The following CYP2C18 variants were observed in gnomAD, a reference collection of about 807,000 sequenced individuals.
CYP2C18 encodes the protein cytochrome P450 2C18.
Under a neutral mutation model 41.3 loss-of-function variants are expected in CYP2C18, and 38 were observed. The ratio of observed to expected loss-of-function variants is 0.92; its 90% CI spans 0.71 to 1.21. The LOEUF is 1.21. Ranked by LOEUF, CYP2C18 falls within the 50% of genes most tolerant of loss-of-function variation. The pLI is 0.00. For synonymous variants in CYP2C18, 236 were observed against 210.0 expected, an observed-to-expected ratio of 1.12 and a Z score of -1.07; for missense variants, 635 against 591.4, an observed-to-expected ratio of 1.07 and a Z score of -0.77.
At chr10:94,703,730 C>G (rs1322931647) in intron 4 of CYP2C18, among the ~76,000 whole-genome samples, 5 of 152,148 alleles carry the variant, frequency 3.3e-5, no homozygotes, top group Non-Finnish European at 1.5e-5. Context: ...AGCCCCCTTT[C>G]CAGGGGAGTG....
At chr10:94,701,629 TAAAAAAA>T (rs1847247588) in intron 4 of CYP2C18, among the ~76,000 whole-genome samples, 1 of 151,852 alleles carries the variant, frequency 6.6e-6, no homozygotes, top group Admixed American at 6.6e-5. Context: ...AAAAAATAAT[TAAAAAAA>T]GAAATTCCTC....
chr10:94,735,349 T>A lies in CYP2C18; in HGVS notation c.1378T>A (p.Ser460Thr). The A allele has an allele frequency of 6.2e-7, 1 of 1,613,724 alleles. No individual in the cohort carries two copies. The highest frequency in any genetic ancestry group is 8.5e-7 in the Non-Finnish European group (1 of 1,179,756). Residue 460 changes from serine to threonine, a missense_variant, in exon 9 of 9, where the codon TCT becomes ACT. Ser to Thr is a moderately conservative substitution (Grantham distance 58). Transcript: ENST00000285979. ...TTILQNFNLK[S>T]QVDPKDIDIT... Reference sequence around the variant, plus strand: ...CATTTTGCAGAACTTTAACCTGAAATCTCAGGTTGACCCAAAGGATATTGA... The same window carrying A: ...CATTTTGCAGAACTTTAACCTGAAAACTCAGGTTGACCCAAAGGATATTGA...
At chr10:94,721,087 C>T (rs1487436064) in intron 6 of CYP2C18, among the ~76,000 whole-genome samples, 1 of 152,078 alleles carries the variant, frequency 6.6e-6, no homozygotes, top group African/African-American at 2.4e-5. Flanking sequence ...AATCTTGGCT[C>T]ACTGCAACCT....
intron 1 of CYP2C18, among the ~76,000 whole-genome samples, chr10:94,685,313 CATG>C (rs1204042434): frequency 6.6e-6 from 1 of 151,914 alleles, no homozygotes; most frequent in Non-Finnish European, 1.5e-5. Flanking sequence ...GAATTACAGA[CATG>C]AGCCATTGCA....
intron 3 of CYP2C18, among the ~76,000 whole-genome samples, chr10:94,689,973 C>T (rs1171561902): frequency 2.6e-5 from 4 of 152,218 alleles, no homozygotes. Flanking sequence ...CTGTGAAAAC[C>T]CCAATGAAGG....
chr10:94,720,721 G>A (rs1196350002), intron 6 of CYP2C18, among the ~76,000 whole-genome samples, 184 bp downstream of exon 6: 1 of 152,156 alleles, frequency 6.6e-6, no homozygotes, highest in Non-Finnish European at 1.5e-5. Flanking sequence ...ATAGGGAAGA[G>A]GGACTGAGAG....
chr10:94,732,563 A>C (rs1847851537), intron 7 of CYP2C18, among the ~76,000 whole-genome samples: 2 of 152,184 alleles, frequency 1.3e-5, no homozygotes, highest in South Asian at 4.1e-4. Flanking sequence ...AAAGGATTGG[A>C]ATCATCCCAA....
chr10:94,735,431 T>A lies in CYP2C18; in HGVS notation c.1460T>A (p.Phe487Tyr). 6.2e-7 allele frequency: 1 copy of A among 1,613,512 alleles called. No individual in the cohort carries two copies. Among genetic ancestry groups the A allele is most frequent in the Non-Finnish European group, 8.5e-7 (1 of 1,179,560 alleles). The change falls in exon 9 of 9, where the codon TTC (phenylalanine) becomes TAC (tyrosine). Residue 487 changes from phenylalanine (F) to tyrosine (Y), a missense_variant. Transcript: ENST00000285979. Reference sequence around the variant, plus strand: ...GTGCCACCCTTGTACCAGCTCTGCTTCATTCCTGTCTGAAGAAGGGCAGAT... The same window carrying A: ...GTGCCACCCTTGTACCAGCTCTGCTACATTCCTGTCTGAAGAAGGGCAGAT... ...GRVPPLYQLC[F>Y]IPV is the part of the protein sequence containing the mutation.
intron 3 of CYP2C18, among the ~76,000 whole-genome samples, chr10:94,693,746 A>C (rs1847059444): frequency 6.6e-6 from 1 of 152,188 alleles, no homozygotes; most frequent in Non-Finnish European, 1.5e-5. Flanking sequence ...GGGTCCCATT[A>C]TTTAATTCCC....
At chr10:94,703,939 G>T (rs1345819638) in intron 4 of CYP2C18, among the ~76,000 whole-genome samples, 1 of 152,166 alleles carries the variant, frequency 6.6e-6, no homozygotes, top group Non-Finnish European at 1.5e-5. Context: ...GTAGTATCTG[G>T]GCTGGATAGC....
chr10:94,728,449 G>A (rs1172632060), intron 7 of CYP2C18: 1 of 153,584 alleles, frequency 6.5e-6, no homozygotes, highest in Non-Finnish European at 1.4e-5. Flanking sequence ...AATTTACCCA[G>A]TAGTTTTAAA....
At position 94,683,757 on chromosome 10, in the gene CYP2C18, G is replaced by C; in HGVS notation, c.-63G>C. On this transcript the variant is annotated 5_prime_UTR_variant, in exon 1 of 9. Coordinates refer to ENST00000285979, the MANE Select transcript of CYP2C18 (RefSeq NM_000772.3). Reference sequence around the variant, plus strand: ...GTCAGAATCACAGGTGGATTAGTAGGGAGTGTTATAAAAGCCTTGAAGTGA... The same window carrying C: ...GTCAGAATCACAGGTGGATTAGTAGCGAGTGTTATAAAAGCCTTGAAGTGA... 4.7e-6 allele frequency: 6 copies of C among 1,283,502 alleles called. No individual in the cohort carries two copies. The highest frequency in any genetic ancestry group is 5.3e-6 in the Non-Finnish European group (5 of 937,062). The allele number at this position is 1,283,502 out of a possible 1,614,324, so 79.5% of individuals were successfully genotyped here. A position where few individuals can be genotyped will look rare whatever the true frequency, so the allele number is the denominator to read the frequency against.
chr10:94,694,055 A>G (rs1847066974), intron 3 of CYP2C18, among the ~76,000 whole-genome samples: 1 of 152,230 alleles, frequency 6.6e-6, no homozygotes, highest in Non-Finnish European at 1.5e-5. Context: ...TAAAAAGTTT[A>G]TAATAACATA....
At chr10:94,720,301 C>G (rs1349606566) in intron 5 of CYP2C18, 95 bp from the exon 6 acceptor site, 4 of 1,128,456 alleles carry the variant, frequency 3.5e-6, no homozygotes, top group Non-Finnish European at 5.0e-6. Context: ...TTCCAAACTT[C>G]CTTATCTTTA....
chr10:94,691,833 C>A (rs1324372049), intron 3 of CYP2C18, among the ~76,000 whole-genome samples: 2 of 152,026 alleles, frequency 1.3e-5, no homozygotes, highest in Non-Finnish European at 2.9e-5. Context: ...GAGATATAGA[C>A]CAATGGAACA....
In CYP2C18 at chr10:94,692,159, C is replaced by T. The variant is rs1247848043; in HGVS notation, c.482-2758C>T. On this transcript the variant is annotated intron_variant, in intron 3 of 8. Transcript: ENST00000285979. ...ACACCAAAAACAATGGCAACAAAAG[C>T]CAAAATTGACAAATGGGATCTAATT... Among the ~76,000 whole-genome samples the T allele has an allele frequency of 5.9e-5, 9 of 152,036 alleles. No homozygotes were observed. The East Asian group carries it at 1.5e-3, about 26-fold the overall frequency.
intron 4 of CYP2C18, among the ~76,000 whole-genome samples, chr10:94,696,233 G>T (rs1347524283): frequency 6.6e-6 from 1 of 152,182 alleles, no homozygotes; most frequent in Non-Finnish European, 1.5e-5. Context: ...GCACACCCCA[G>T]TAGGGGCAGA....
intron 5 of CYP2C18, 44 bp from the exon 6 acceptor site, chr10:94,720,352 G>A (rs1847625871): frequency 1.3e-6 from 2 of 1,517,918 alleles, no homozygotes; most frequent in Non-Finnish European, 1.8e-6. Flanking sequence ...AATTTAATAT[G>A]CTGGCAAACT....
At chr10:94,700,777 G>T (rs1399732487) in intron 4 of CYP2C18, among the ~76,000 whole-genome samples, 1 of 151,790 alleles carries the variant, frequency 6.6e-6, no homozygotes, top group Non-Finnish European at 1.5e-5. Context: ...TAATTTACAA[G>T]AAAAAAAGAA....
Sources: gnomAD v4.1 joint callset for allele counts (sites outside exome capture counted in the v4.1 genomes callset) on GRCh38, gnomAD v4.1.1 for gene constraint, MANE v1.5 for transcripts, NCBI Gene and HGNC (gene_info 2026-07-23, HGNC 2026-07-21) for gene names.